GPHN: variants seen among roughly 807,000 people sequenced by gnomAD.
GPHN encodes the protein gephyrin.
A neutral mutation model predicts 95.5 loss-of-function variants in GPHN; 17 were observed. The observed-to-expected ratio is 0.18, with a 90% CI of 0.12 to 0.27. GPHN has a LOEUF of 0.27. Among genes scored for constraint, GPHN ranks in the 10% least tolerant of loss-of-function variants. The pLI is 1.00. For synonymous variants in GPHN, 320 were observed against 322.5 expected, an observed-to-expected ratio of 0.99 and a Z score of 0.08; for missense variants, 660 against 978.1, an observed-to-expected ratio of 0.67 and a Z score of 4.34.
chr14:66,760,821 A>C lies in GPHN; in HGVS notation c.144-15643A>C, dbSNP rs1007312926. ...GTATTGATGCAATGAAGAGAGTTGA[A>C]GAGATCAAGCAGAAATGCCAAGCGA... is the stretch of plus-strand genomic sequence containing the variant. On this transcript the variant is annotated intron_variant, in intron 2 of 22. Coordinates refer to ENST00000478722, the MANE Select transcript of GPHN (RefSeq NM_020806.5). The C allele has an allele frequency of 1.5e-5, 8 of 539,006 alleles. No individual in the cohort carries two copies. In the East Asian group the frequency reaches 2.4e-4, roughly 16 times the overall value. 33.4% of individuals were successfully genotyped at this position (539,006 alleles called of 1,614,324 possible).
At chr14:67,380,768 A>G in the GPHN span, 1 of 1,482,756 alleles carries the variant, frequency 6.7e-7, no homozygotes, top group Non-Finnish European at 9.0e-7. Flanking sequence ...TCGAGCAGGT[A>G]AATGATTTTT....
intron 3 of GPHN, among the ~76,000 whole-genome samples, chr14:66,793,241 C>T (rs1250708493): frequency 6.6e-6 from 1 of 152,198 alleles, no homozygotes; most frequent in Non-Finnish European, 1.5e-5. Context: ...GTGCATATTT[C>T]TTGTCCTTTT....
the GPHN span, chr14:67,690,073 C>T: frequency 1.5e-6 from 1 of 679,976 alleles, no homozygotes; most frequent in African/African-American, 1.8e-5. Context: ...TTGTAGACTA[C>T]TTACTAAAAC....
chr14:67,669,639 C>T, the GPHN span, among the ~76,000 whole-genome samples: 5 of 152,296 alleles, frequency 3.3e-5, no homozygotes, highest in African/African-American at 1.2e-4. Flanking sequence ...CTCTGTTCTA[C>T]AGGTACCTTT....
intron 2 of GPHN, among the ~76,000 whole-genome samples, chr14:66,749,806 C>T (rs1331800879): frequency 6.6e-6 from 1 of 151,240 alleles, no homozygotes; most frequent in East Asian, 1.9e-4. Context: ...TCTTTTCGTT[C>T]CCTTCACAGT....
intron 8 of GPHN, among the ~76,000 whole-genome samples, chr14:66,957,949 G>C (rs1461218313): frequency 6.6e-6 from 1 of 152,292 alleles, no homozygotes; most frequent in Middle Eastern, 3.4e-3. Flanking sequence ...GATGATCTGA[G>C]GTGGAACAGT....
the GPHN span, chr14:67,583,917 T>C: frequency 2.0e-5 from 33 of 1,611,750 alleles, no homozygotes; most frequent in Non-Finnish European, 2.7e-5. Context: ...AGCAAGTCAC[T>C]GTGGGGAGGT....
At chr14:67,694,383 T>G in the GPHN span, among the ~76,000 whole-genome samples, 1 of 151,644 alleles carries the variant, frequency 6.6e-6, no homozygotes, top group African/African-American at 2.4e-5. Flanking sequence ...AAAGTCCAGC[T>G]CTGGCCCGAC....
the GPHN span, among the ~76,000 whole-genome samples, chr14:67,602,615 A>G: frequency 6.6e-6 from 1 of 152,236 alleles, no homozygotes; most frequent in East Asian, 1.9e-4. Context: ...GGCTCCACGG[A>G]TAGAATCAGT....
chr14:66,592,345 C>A (rs35261582), intron 1 of GPHN, among the ~76,000 whole-genome samples: 1 of 151,838 alleles, frequency 6.6e-6, no homozygotes, highest in Non-Finnish European at 1.5e-5. Flanking sequence ...GCAAAAGAAA[C>A]TATCATCACA....
chr14:67,364,953 C>T, the GPHN span: 10 of 1,613,962 alleles, frequency 6.2e-6, no homozygotes, highest in South Asian at 2.2e-5. Context: ...TCAACAAACT[C>T]ATCCGAATTG....
intron 9 of GPHN, among the ~76,000 whole-genome samples, chr14:67,002,508 G>T (rs2072304335): frequency 6.6e-6 from 1 of 151,102 alleles, no homozygotes. Flanking sequence ...TTAACATTTT[G>T]TCGGTTTTCT....
the GPHN span, chr14:67,722,428 A>G: frequency 1.6e-6 from 1 of 627,812 alleles, no homozygotes; most frequent in Non-Finnish European, 2.9e-6. Context: ...CACCAGGACT[A>G]CATCTCCCAG....
At chr14:67,357,681 G>A in the GPHN span, among the ~76,000 whole-genome samples, 3 of 152,318 alleles carry the variant, frequency 2.0e-5, no homozygotes, top group East Asian at 1.9e-4. Context: ...CTGATAGTAG[G>A]GGAAAGGGCT....
intron 9 of GPHN, among the ~76,000 whole-genome samples, chr14:66,997,758 T>A (rs1246501709): frequency 6.6e-6 from 1 of 152,164 alleles, no homozygotes. Flanking sequence ...ACTGTGAGAT[T>A]TTTTTCTCTT....
At chr14:66,525,079 C>G (rs1458265714) in intron 1 of GPHN, among the ~76,000 whole-genome samples, 1 of 152,138 alleles carries the variant, frequency 6.6e-6, no homozygotes, top group Non-Finnish European at 1.5e-5. Flanking sequence ...ACCACAGTGT[C>G]TTCCCTAATG....
the GPHN span, chr14:67,533,680 C>T: frequency 6.6e-6 from 1 of 152,134 alleles, no homozygotes; most frequent in African/African-American, 2.4e-5. Context: ...TGGGAAGGGC[C>T]CTCGGAGCGG....
the GPHN span, among the ~76,000 whole-genome samples, chr14:67,240,803 T>G: frequency 2.0e-5 from 3 of 152,228 alleles, no homozygotes; most frequent in Non-Finnish European, 4.4e-5. Flanking sequence ...GTTCTAGTCC[T>G]TGCTATCCTT....
chr14:67,330,668 G>T, the GPHN span, among the ~76,000 whole-genome samples: 1 of 152,086 alleles, frequency 6.6e-6, no homozygotes. Flanking sequence ...ATGTTGGTCA[G>T]GCTGGTCCCA....
Sources: gnomAD v4.1 joint callset for allele counts (sites outside exome capture counted in the v4.1 genomes callset) on GRCh38, gnomAD v4.1.1 for gene constraint, MANE v1.5 for transcripts, NCBI Gene and HGNC (gene_info 2026-07-23, HGNC 2026-07-21) for gene names.